UBASH3A: variants seen among roughly 807,000 people sequenced by gnomAD.
The protein encoded by UBASH3A is ubiquitin associated and SH3 domain containing A.
A neutral mutation model predicts 73.5 loss-of-function variants in UBASH3A; 63 were observed. That is an observed-to-expected ratio of 0.86 (90% CI 0.70 to 1.06). UBASH3A has a LOEUF of 1.06. UBASH3A is among the 50% of genes least tolerant of loss of function. The probability of loss-of-function intolerance (pLI) is 0.00; values close to 1 mark genes in which losing one functional copy is unlikely to be tolerated. For missense variants in UBASH3A, 860 were observed against 859.0 expected, an observed-to-expected ratio of 1.00 and a Z score of -0.02; for synonymous variants, 363 against 351.1, an observed-to-expected ratio of 1.03 and a Z score of -0.38.
chr21:42,436,247 T>G (rs1178609553), intron 10 of UBASH3A, among the ~76,000 whole-genome samples: 4 of 152,114 alleles, frequency 2.6e-5, no homozygotes, highest in Non-Finnish European at 5.9e-5. Context: ...AGTTATAAAG[T>G]CATAGAGTCA....
intron 1 of UBASH3A, 84 bp from the exon 2 acceptor site, chr21:42,406,224 G>A (rs2052972583): frequency 2.7e-6 from 3 of 1,108,862 alleles, no homozygotes; most frequent in Non-Finnish European, 4.2e-6. Context: ...AAGATCCTGG[G>A]TGTGCAAGGC....
intron 2 of UBASH3A, among the ~76,000 whole-genome samples, chr21:42,406,662 G>A (rs1385680306): frequency 1.3e-5 from 2 of 152,176 alleles, no homozygotes; most frequent in Admixed American, 6.5e-5. Context: ...GCTTTGTTGA[G>A]TAAATGGGGA....
chr21:42,407,137 C>T (rs1298490513), intron 2 of UBASH3A, among the ~76,000 whole-genome samples: 3 of 152,172 alleles, frequency 2.0e-5, no homozygotes, highest in Non-Finnish European at 2.9e-5. Flanking sequence ...GGCCTGTTCT[C>T]TGCTCTGGGG....
intron 8 of UBASH3A, among the ~76,000 whole-genome samples, chr21:42,431,040 T>C (rs879778422): frequency 3.9e-5 from 6 of 152,236 alleles, no homozygotes; most frequent in Non-Finnish European, 8.8e-5. Context: ...GCAGGGCTTA[T>C]GCTCCACGCA....
chr21:42,413,432 G>A lies in UBASH3A; in HGVS notation c.576G>A (p.Trp192Ter). ...LLAGTSVSRF[W>*]IFSQVPGHGP... ...CAGGCACTTCCGTTTCCCGCTTCTG[G>A]ATTTTCAGCCAGGTGCCTGGACATG... is the stretch of plus-strand genomic sequence containing the variant. Residue 192 changes from tryptophan (W) to a stop codon, truncating the protein, a stop_gained, in exon 5 of 15, where the codon TGG (tryptophan) becomes TGA (stop). Transcript: ENST00000319294. LOFTEE classifies it high-confidence loss of function. This position sits in a 1 kb window ranked among gnomAD's most constrained non-coding sequence, Gnocchi z 4.5. 1 of 1,613,920 alleles carries A rather than the reference G, an allele frequency of 6.2e-7. No homozygotes were observed. Among genetic ancestry groups the A allele is most frequent in the Non-Finnish European group, 8.5e-7 (1 of 1,179,958 alleles).
rs1458948264 is a variant in UBASH3A, at chr21:42,408,973, C to T, written c.168-449C>T. ...TAAAAACTGTCTGAATCTAAAGAAACGCAGCAGCTACCTAAATTTTGTCTA... is the reference window on the plus strand; with the variant it reads ...TAAAAACTGTCTGAATCTAAAGAAATGCAGCAGCTACCTAAATTTTGTCTA... On this transcript the variant is annotated intron_variant, in intron 2 of 14. Coordinates refer to ENST00000319294, the MANE Select transcript of UBASH3A (RefSeq NM_018961.4). Among the ~76,000 whole-genome samples the T allele has an allele frequency of 4.0e-5, 6 of 149,872 alleles. No homozygotes were observed. The East Asian group carries it at 5.9e-4, about 15-fold the overall frequency.
chr21:42,440,013 A>C (rs571096293), intron 11 of UBASH3A, among the ~76,000 whole-genome samples: 10 of 144,022 alleles, frequency 6.9e-5, no homozygotes, highest in African/African-American at 2.6e-4. Context: ...CACACACACA[A>C]CACACACCCA....
chr21:42,407,352 C>T (rs1422591906), intron 2 of UBASH3A, among the ~76,000 whole-genome samples: 2 of 152,110 alleles, frequency 1.3e-5, no homozygotes, highest in East Asian at 3.8e-4. Context: ...ATGGGATGCC[C>T]CCTCCTCCTC....
In UBASH3A at chr21:42,443,619, G is replaced by A. The variant is rs1053611229; in HGVS notation, c.1738+201G>A. ...GTGCACAGACACACACTCCCCTGCC[G>A]CCCAGGCCCTGGGACCCCCCATCCT... On this transcript the variant is annotated intron_variant, in intron 13 of 14. Coordinates refer to ENST00000319294, the MANE Select transcript of UBASH3A (RefSeq NM_018961.4). Among the ~76,000 whole-genome samples the A allele has an allele frequency of 5.3e-5, 8 of 149,980 alleles. 1 individual carries two copies. The highest frequency in any genetic ancestry group is 4.0e-4 in the Admixed American group (6 of 15,024).
At chr21:42,444,414 T>C (rs369742462) in intron 13 of UBASH3A, 120 bp from the exon 14 acceptor site, 17 of 749,142 alleles carry the variant, frequency 2.3e-5, no homozygotes, top group East Asian at 7.4e-5. Context: ...AGCCCGGGGG[T>C]CTCGCCAGGC....
intron 3 of UBASH3A, 73 bp downstream of exon 3, chr21:42,409,681 G>A (rs1300172751): frequency 3.6e-6 from 5 of 1,388,464 alleles, no homozygotes; most frequent in African/African-American, 1.4e-5. Flanking sequence ...AGGCCATGAT[G>A]GGACAAAGTT....
chr21:42,418,475 T>C lies in UBASH3A; in HGVS notation c.912T>C (p.Phe304=), dbSNP rs61735849. 5,279 of 1,614,224 alleles carry C rather than the reference T, an allele frequency of 3.3e-3. 157 individuals carry two copies. The African/African-American group carries it at 0.06, about 18-fold the overall frequency. The stretch of plus-strand genomic sequence containing the variant: ...CGCTAAGTCCTGGTGACTACATCTT[T>C]GTGGACCCCACGCAGCAGGACGAAG... ...ELTLSPGDYI[F]VDPTQQDEAS... The change falls in exon 7 of 15, where the codon TTT becomes TTC. Residue 304 remains phenylalanine (F), a synonymous_variant. Transcript: ENST00000319294.
chr21:42,434,973 T>C lies in UBASH3A; in HGVS notation c.1393+19T>C. ...ATTGCAGGTATGTTTGAGGACTGTC[T>C]AGTAGGAAAGGTAACAATAACAGCA... On this transcript the variant is annotated intron_variant, in intron 10 of 14. Coordinates refer to ENST00000319294, the MANE Select transcript of UBASH3A (RefSeq NM_018961.4). 6.2e-7 allele frequency: 1 copy of C among 1,613,140 alleles called. No individual in the cohort carries two copies. The highest frequency in any genetic ancestry group is 8.5e-7 in the Non-Finnish European group (1 of 1,179,536).
chr21:42,435,058 G>A (rs975266175), intron 10 of UBASH3A, 104 bp downstream of exon 10: 3 of 1,417,226 alleles, frequency 2.1e-6, no homozygotes, highest in Non-Finnish European at 2.9e-6. Flanking sequence ...CTTTGATACA[G>A]TGTTAGCTTT....
At chr21:42,421,849 C>G (rs2053344073) in intron 7 of UBASH3A, among the ~76,000 whole-genome samples, 2 of 151,670 alleles carry the variant, frequency 1.3e-5, no homozygotes, top group Non-Finnish European at 2.9e-5. Context: ...TTATCCAAAC[C>G]CCCAAAAAAG....
At chr21:42,418,320 C>A (rs576773173) in intron 6 of UBASH3A, 81 bp from the exon 7 acceptor site, 3 of 1,241,650 alleles carry the variant, frequency 2.4e-6, no homozygotes, top group East Asian at 2.3e-5. Context: ...CAGGAGGTGG[C>A]AGGTGATAGG....
intron 3 of UBASH3A, chr21:42,410,083 T>C: frequency 1.4e-6 from 1 of 702,338 alleles, no homozygotes; most frequent in South Asian, 1.5e-5. Flanking sequence ...GATTGTTGGC[T>C]ACCCACAAAT....
chr21:42,413,475 A>G lies in UBASH3A; in HGVS notation c.619A>G (p.Ser207Gly). Residue 207 changes from serine to glycine, a missense_variant, in exon 5 of 15, where the codon AGC (serine) becomes GGC (glycine). Coordinates refer to ENST00000319294, the MANE Select transcript of UBASH3A (RefSeq NM_018961.4). The surrounding 1 kb of genome is among the most constrained non-coding windows in gnomAD (Gnocchi z 4.5). ...VPGHGPNLRLSNLTRASFVSH... is the reference protein window; with the variant it reads ...VPGHGPNLRLGNLTRASFVSH... ...TGGACATGGCCCTAACCTGAGGCTGAGCAATTTAACTAGAGCCTCCTTCGT... is the reference window on the plus strand; with the variant it reads ...TGGACATGGCCCTAACCTGAGGCTGGGCAATTTAACTAGAGCCTCCTTCGT... 6.2e-7 allele frequency: 1 copy of G among 1,614,178 alleles called. No homozygotes were observed. The highest frequency in any genetic ancestry group is 8.5e-7 in the Non-Finnish European group (1 of 1,180,032).
intron 7 of UBASH3A, among the ~76,000 whole-genome samples, chr21:42,419,658 C>G (rs934654763): frequency 1.3e-5 from 2 of 152,220 alleles, no homozygotes; most frequent in Non-Finnish European, 2.9e-5. Flanking sequence ...TACTCGCTGC[C>G]AAGTCCCAAA....
Sources: allele counts gnomAD v4.1 joint callset (sites outside exome capture counted in the v4.1 genomes callset), GRCh38; gene constraint gnomAD v4.1.1; non-coding constraint Gnocchi (gnomAD v3.1); transcripts MANE v1.5; gene names NCBI Gene and HGNC (gene_info 2026-07-23, HGNC 2026-07-21).